Variants in TMEFF1 observed in about 807,000 individuals in gnomAD.
TMEFF1 encodes the protein transmembrane protein with EGF like and two follistatin like domains 1.
A neutral mutation model predicts 47.5 loss-of-function variants in TMEFF1; 20 were observed. The ratio of observed to expected loss-of-function variants is 0.42; its 90% CI spans 0.30 to 0.61. The LOEUF (loss-of-function observed/expected upper bound fraction) is 0.61. Ranked by LOEUF, TMEFF1 falls within the 20% of genes least tolerant of loss-of-function variation. The pLI, the probability that TMEFF1 is intolerant of heterozygous loss-of-function variation, is 0.19. For synonymous variants in TMEFF1, 162 were observed against 166.3 expected (o/e 0.97, Z 0.20); for missense variants, 411 against 471.1 (o/e 0.87, Z 1.18).
chr9:100,517,178 C>A (rs976180138), intron 5 of TMEFF1, among the ~76,000 whole-genome samples: 1 of 152,264 alleles, frequency 6.6e-6, no homozygotes, highest in East Asian at 1.9e-4. Flanking sequence ...AGTAAGGCTG[C>A]AGACATTTAT....
At chr9:100,497,311 C>A (rs1837667675) in intron 1 of TMEFF1, among the ~76,000 whole-genome samples, 1 of 113,748 alleles carries the variant, frequency 8.8e-6, no homozygotes, top group Non-Finnish European at 1.9e-5. Context: ...TTTAAGTTTC[C>A]ACTCATGTCT....
chr9:100,556,255 T>C (rs1838912580), intron 7 of TMEFF1, among the ~76,000 whole-genome samples: 1 of 152,226 alleles, frequency 6.6e-6, no homozygotes, highest in Admixed American at 6.5e-5. Flanking sequence ...AAAAAATACT[T>C]TTTGAATGAC....
At chr9:100,521,892 AT>A (rs1706614442) in intron 5 of TMEFF1, among the ~76,000 whole-genome samples, 1 of 152,220 alleles carries the variant, frequency 6.6e-6, no homozygotes, top group Non-Finnish European at 1.5e-5. Flanking sequence ...CCTGAGTGAT[AT>A]AAATATCTCA....
intron 8 of TMEFF1, among the ~76,000 whole-genome samples, chr9:100,564,432 T>G (rs1839082315): frequency 6.6e-6 from 1 of 152,228 alleles, no homozygotes; most frequent in African/African-American, 2.4e-5. Flanking sequence ...AAATTCTCCC[T>G]GATATTGGGG....
chr9:100,533,710 G>T, intron 5 of TMEFF1, among the ~76,000 whole-genome samples: 1 of 150,440 alleles, frequency 6.6e-6, no homozygotes, highest in African/African-American at 2.4e-5. Context: ...TTTATTTTTT[G>T]TCTTTTTATT....
At chr9:100,497,318 G>GTTT (rs1328828062) in intron 1 of TMEFF1, among the ~76,000 whole-genome samples, 5 of 84,876 alleles carry the variant, frequency 5.9e-5, no homozygotes, top group Admixed American at 1.1e-4. Flanking sequence ...TTCCACTCAT[G>GTTT]TCTTTTTTTT....
chr9:100,542,272 C>G (rs1838648109), intron 5 of TMEFF1, among the ~76,000 whole-genome samples: 1 of 152,142 alleles, frequency 6.6e-6, no homozygotes, highest in Non-Finnish European at 1.5e-5. Flanking sequence ...TTCCTCCAAA[C>G]TTGTGTGCTA....
At chr9:100,506,216 A>G (rs1327636763) in intron 2 of TMEFF1, among the ~76,000 whole-genome samples, 1 of 152,214 alleles carries the variant, frequency 6.6e-6, no homozygotes, top group Non-Finnish European at 1.5e-5. Flanking sequence ...TAGATAAATG[A>G]TAAAAGTAAG....
chr9:100,503,682 A>G (rs763862449), intron 2 of TMEFF1, among the ~76,000 whole-genome samples: 1 of 152,182 alleles, frequency 6.6e-6, no homozygotes, highest in African/African-American at 2.4e-5. Flanking sequence ...AGCCAGTGGT[A>G]CAAGTCCCTA....
chr9:100,542,923 CTTTTTTTTTTTTTT>C (rs34994276), intron 5 of TMEFF1, among the ~76,000 whole-genome samples: 2 of 104,588 alleles, frequency 1.9e-5, no homozygotes, highest in Admixed American at 1.1e-4. Context: ...CTCTCTCTCT[CTTTTTTTTTTTTTT>C]TTTTTTTTGA....
intron 5 of TMEFF1, among the ~76,000 whole-genome samples, chr9:100,524,911 C>A (rs945102085): frequency 4.6e-5 from 7 of 152,138 alleles, no homozygotes; most frequent in African/African-American, 1.7e-4. Context: ...CCCTGGCAGG[C>A]CCCGGTGTGT....
intron 2 of TMEFF1, among the ~76,000 whole-genome samples, chr9:100,501,886 G>A (rs565855276): frequency 1.3e-5 from 2 of 152,084 alleles, no homozygotes; most frequent in East Asian, 1.9e-4. Context: ...CTCGTGAACC[G>A]CCTGCCTTGG....
chr9:100,556,412 G>A (rs62577586), intron 7 of TMEFF1, among the ~76,000 whole-genome samples: 1 of 152,120 alleles, frequency 6.6e-6, no homozygotes, highest in South Asian at 2.1e-4. Context: ...ACTCTTAAAT[G>A]TGCGGGGTTA....
intron 3 of TMEFF1, among the ~76,000 whole-genome samples, 160 bp downstream of exon 3, chr9:100,509,294 T>G (rs1837917986): frequency 6.6e-6 from 1 of 152,200 alleles, no homozygotes; most frequent in African/African-American, 2.4e-5. Flanking sequence ...TTTCAGGTTG[T>G]TGCTTTTCAA....
intron 1 of TMEFF1, among the ~76,000 whole-genome samples, chr9:100,476,028 TC>T (rs1564259830): frequency 6.6e-6 from 1 of 152,144 alleles, no homozygotes; most frequent in African/African-American, 2.4e-5. Context: ...TAGTTTCCAT[TC>T]CTTTTAAAAA....
chr9:100,522,430 C>CTTTTTTTTTTTTTTT (rs869111876), intron 5 of TMEFF1, among the ~76,000 whole-genome samples: 2 of 69,650 alleles, frequency 2.9e-5, no homozygotes, highest in Non-Finnish European at 5.3e-5. Context: ...GAAATATCTT[C>CTTTTTTTTTTTTTTT]TTTTTTTTTT....
At chr9:100,575,535 G>A (rs1839335874) in intron 9 of TMEFF1, among the ~76,000 whole-genome samples, 1 of 152,144 alleles carries the variant, frequency 6.6e-6, no homozygotes, top group Non-Finnish European at 1.5e-5. Flanking sequence ...CTTTTAAAAT[G>A]AGGATTAGTG....
At chr9:100,557,357 C>T (rs1838932682) in intron 7 of TMEFF1, among the ~76,000 whole-genome samples, 1 of 152,036 alleles carries the variant, frequency 6.6e-6, no homozygotes, top group South Asian at 2.1e-4. Flanking sequence ...CCCGGCTTTC[C>T]CTGTGCTGCT....
At chr9:100,533,841 C>T (rs1482411627) in intron 5 of TMEFF1, among the ~76,000 whole-genome samples, 1 of 152,154 alleles carries the variant, frequency 6.6e-6, no homozygotes, top group Non-Finnish European at 1.5e-5. Context: ...GCCTCAGCCT[C>T]CCGAGTAGCT....
Sources: gnomAD v4.1 joint callset for allele counts (sites outside exome capture counted in the v4.1 genomes callset) on GRCh38, gnomAD v4.1.1 for gene constraint, MANE v1.5 for transcripts, NCBI Gene and HGNC (gene_info 2026-07-23, HGNC 2026-07-21) for gene names.